ZBTB7C: variants seen among roughly 807,000 people sequenced by gnomAD.
The protein encoded by ZBTB7C is zinc finger and BTB domain containing 7C, also known as zinc finger and BTB domain-containing protein 7C.
A neutral mutation model predicts 25.7 loss-of-function variants in ZBTB7C; 8 were observed. That is an observed-to-expected ratio of 0.31 (90% confidence interval 0.18 to 0.56). The LOEUF is 0.56. ZBTB7C is among the 20% of genes least tolerant of loss of function. The pLI, the probability that ZBTB7C is intolerant of heterozygous loss-of-function variation, is 0.91. For missense variants in ZBTB7C, 824 were observed against 855.2 expected (o/e 0.96, Z 0.46); for synonymous variants, 394 against 369.0 (o/e 1.07, Z -0.78).
chr18:48,069,082 A>T (rs2037445781), intron 3 of ZBTB7C, among the ~76,000 whole-genome samples: 3 of 152,224 alleles, frequency 2.0e-5, no homozygotes, highest in South Asian at 4.1e-4. Flanking sequence ...TGTGGCCTCC[A>T]ACCACCTTGG....
intron 2 of ZBTB7C, among the ~76,000 whole-genome samples, chr18:48,207,614 TATCC>T (rs760191919): frequency 0.047 from 6,898 of 146,934 alleles, 214 homozygotes; most frequent in Non-Finnish European, 0.066. Flanking sequence ...TCTATCTATC[TATCC>T]ATCTAAAATA....
At chr18:48,342,894 T>G (rs964882839) in intron 1 of ZBTB7C, among the ~76,000 whole-genome samples, 11 of 152,068 alleles carry the variant, frequency 7.2e-5, no homozygotes, top group African/African-American at 2.7e-4. Flanking sequence ...AGATATAAAA[T>G]AAGTTCATTG....
chr18:48,353,146 A>G (rs1292680458), intron 1 of ZBTB7C, among the ~76,000 whole-genome samples: 1 of 152,212 alleles, frequency 6.6e-6, no homozygotes, highest in East Asian at 1.9e-4. Context: ...CCTAACCCTC[A>G]AAACAACTCT....
At chr18:48,098,476 C>T (rs1230859798) in intron 3 of ZBTB7C, among the ~76,000 whole-genome samples, 1 of 152,164 alleles carries the variant, frequency 6.6e-6, no homozygotes, top group African/African-American at 2.4e-5. Flanking sequence ...CCCTGTGTGG[C>T]TTGGGGAAAC....
rs142527810 is a variant in ZBTB7C, at chr18:48,140,984, C to T, written c.-17+44950G>A. Among the ~76,000 whole-genome samples the T allele has an allele frequency of 1.5e-3, 236 of 152,336 alleles. 1 individual carries two copies. Among genetic ancestry groups the T allele is most frequent in the African/African-American group, 5.2e-3 (218 of 41,572 alleles). Reference sequence around the variant, plus strand: ...TTCCTGTTCTGCTCCTTCGGCCCAACGCCACACGACTGCCAAAGCAATCCA... The same window carrying T: ...TTCCTGTTCTGCTCCTTCGGCCCAATGCCACACGACTGCCAAAGCAATCCA... On this transcript the variant is annotated intron_variant, in intron 3 of 4. Transcript: ENST00000590800.
intron 1 of ZBTB7C, among the ~76,000 whole-genome samples, chr18:48,346,162 G>C (rs1162340094): frequency 6.6e-6 from 1 of 152,132 alleles, no homozygotes; most frequent in Non-Finnish European, 1.5e-5. Flanking sequence ...CTGACCTCAA[G>C]TGATCGGCAA....
Position 48,040,566 on chromosome 18 carries a change from TG to T in ZBTB7C, c.541del (p.Gln181ArgfsTer41). 6.2e-7 allele frequency: 1 copy of T among 1,614,020 alleles called. No individual in the cohort carries two copies. The highest frequency in any genetic ancestry group is 8.5e-7 in the Non-Finnish European group (1 of 1,179,972). On this transcript the variant is annotated frameshift_variant, in exon 4 of 5. Coordinates refer to ENST00000590800, the MANE Select transcript of ZBTB7C (RefSeq NM_001318841.2). LOFTEE classifies it high-confidence loss of function. ...AGGGCTTTGGTGGCAGCTGATGTCC[TG>T]GGGGTCAGGCAAGTTTTCTTGGTCA... is the stretch of plus-strand genomic sequence containing the variant. ...FADQENLPDPQDISCHQSPSK... is the reference protein window; with the variant it reads ...FADQENLPDPXDISCHQSPSK...
At chr18:48,050,108 T>A (rs533149846) in intron 3 of ZBTB7C, among the ~76,000 whole-genome samples, 5 of 152,192 alleles carry the variant, frequency 3.3e-5, no homozygotes, top group African/African-American at 9.6e-5. Flanking sequence ...AGCGGCTACC[T>A]GCGTTCTTTG....
At chr18:48,277,326 A>C (rs2044691409) in intron 2 of ZBTB7C, among the ~76,000 whole-genome samples, 1 of 149,056 alleles carries the variant, frequency 6.7e-6, no homozygotes, top group Non-Finnish European at 1.5e-5. Context: ...CCCATCAAAA[A>C]GTGGGCGAAG....
intron 3 of ZBTB7C, among the ~76,000 whole-genome samples, chr18:48,074,352 GC>G (rs1221243062): frequency 2.0e-5 from 3 of 152,192 alleles, no homozygotes; most frequent in Admixed American, 1.3e-4. Flanking sequence ...CATCTGGGGG[GC>G]AGTCATTCCT....
intron 2 of ZBTB7C, among the ~76,000 whole-genome samples, chr18:48,235,500 T>C (rs1457296078): frequency 1.3e-5 from 2 of 152,198 alleles, no homozygotes; most frequent in Non-Finnish European, 2.9e-5. Flanking sequence ...TAATGAATCA[T>C]TATTGGTGTT....
intron 2 of ZBTB7C, among the ~76,000 whole-genome samples, chr18:48,295,991 T>C (rs541135596): frequency 1.4e-4 from 21 of 152,296 alleles, no homozygotes; most frequent in African/African-American, 4.6e-4. Context: ...GTCATCTCCA[T>C]AGCATAAATC....
intron 2 of ZBTB7C, among the ~76,000 whole-genome samples, chr18:48,279,674 A>G (rs772917012): frequency 2.6e-5 from 4 of 152,196 alleles, no homozygotes; most frequent in Non-Finnish European, 5.9e-5. Context: ...CCCCAGTCTT[A>G]AGCCTCAGGC....
rs35953333 is a variant in ZBTB7C at position 48,095,747 on chromosome 18, A to AAAATAAAATAAAATAAAAG, written c.-16-54625_-16-54624insCTTTTATTTTATTTTATTT. Among the ~76,000 whole-genome samples the AAAATAAAATAAAATAAAAG allele has an allele frequency of 1.8e-4, 16 of 89,924 alleles. 1 individual carries two copies. The highest frequency in any genetic ancestry group is 1.7e-3 in the South Asian group (6 of 3,630). 59.0% of individuals were successfully genotyped at this position (89,924 alleles called of 152,430 possible). ...TAAAATAAAATAAAATAAAATAAAA[A>AAAATAAAATAAAATAAAAG]TGGTTATTGGGTGAGAGAATGGATG... On this transcript the variant is annotated intron_variant, in intron 3 of 4. Transcript: ENST00000590800.
In ZBTB7C at chr18:48,377,688, C is replaced by T. The variant is rs138786770; in HGVS notation, c.-304+31538G>A. ...ACTGGAGAAGAAACAAAGTAATAAC[C>T]GCTTTTGGAAGCTGGAGATCAGATA... On this transcript the variant is annotated intron_variant, in intron 1 of 4. Transcript: ENST00000590800. Among the ~76,000 whole-genome samples the T allele has an allele frequency of 3.0e-4, 46 of 152,206 alleles. No individual in the cohort carries two copies. In the South Asian group the frequency reaches 5.4e-3, roughly 18 times the overall value.
chr18:48,221,863 C>CCCTCTATACTGTCCTAGTCT (rs1568312178), intron 2 of ZBTB7C, among the ~76,000 whole-genome samples: 1 of 102,874 alleles, frequency 9.7e-6, no homozygotes, highest in South Asian at 2.9e-4. Flanking sequence ...GTCCTAGTCT[C>CCCTCTATACTGTCCTAGTCT]CCTCTATACT....
chr18:48,099,513 A>G (rs922101508), intron 3 of ZBTB7C, among the ~76,000 whole-genome samples: 7 of 152,132 alleles, frequency 4.6e-5, no homozygotes, highest in African/African-American at 1.7e-4. Flanking sequence ...CTCTGCAACC[A>G]CCCAGCACCC....
At chr18:48,345,797 T>C (rs1205417645) in intron 1 of ZBTB7C, among the ~76,000 whole-genome samples, 1 of 152,188 alleles carries the variant, frequency 6.6e-6, no homozygotes, top group Admixed American at 6.5e-5. Context: ...TTTTGCACTC[T>C]GGCAAACCAA....
intron 1 of ZBTB7C, among the ~76,000 whole-genome samples, chr18:48,392,256 C>T (rs2047920012): frequency 6.6e-6 from 1 of 152,222 alleles, no homozygotes. Context: ...TATCTACACA[C>T]AATTGATTTC....
Sources: allele counts gnomAD v4.1 joint callset (sites outside exome capture counted in the v4.1 genomes callset), GRCh38; gene constraint gnomAD v4.1.1; transcripts MANE v1.5; gene names NCBI Gene and HGNC (gene_info 2026-07-23, HGNC 2026-07-21).